TRPM3: variants seen among roughly 807,000 people sequenced by gnomAD.
TRPM3 encodes the protein long transient receptor potential channel 3.
Under a neutral mutation model 181.2 loss-of-function variants are expected in TRPM3, and 77 were observed. That is an observed-to-expected ratio of 0.42 (90% CI 0.35 to 0.51). The LOEUF is 0.51. Among genes scored for constraint, TRPM3 ranks in the 20% least tolerant of loss-of-function variants. The pLI is 0.01. For missense variants in TRPM3, 1,759 were observed against 2,196.7 expected (o/e 0.80, Z 3.98); for synonymous variants, 745 against 796.4 (o/e 0.94, Z 1.09).
intron 1 of TRPM3, among the ~76,000 whole-genome samples, chr9:70,893,892 A>T (rs1182663251): frequency 6.6e-6 from 1 of 152,182 alleles, no homozygotes; most frequent in Non-Finnish European, 1.5e-5. Flanking sequence ...CCTCTCAGTT[A>T]TTTTAAAAGA....
intron 1 of TRPM3, among the ~76,000 whole-genome samples, chr9:71,356,003 C>T (rs181997237): frequency 1.3e-5 from 2 of 152,220 alleles, no homozygotes; most frequent in Admixed American, 6.5e-5. Flanking sequence ...TGCAAGCTAG[C>T]GAGTGGTTGA....
chr9:70,681,726 T>A, intron 8 of TRPM3, 148 bp from the exon 9 acceptor site: 1 of 687,986 alleles, frequency 1.5e-6, no homozygotes, highest in Admixed American at 2.6e-5. Context: ...AAGAATCCGA[T>A]GAGAGAGCTC....
At chr9:70,547,471 T>C (rs1304442247) in intron 25 of TRPM3, among the ~76,000 whole-genome samples, 2 of 151,094 alleles carry the variant, frequency 1.3e-5, no homozygotes, top group African/African-American at 2.4e-5. Context: ...CATCCCATGG[T>C]GTTTCTGTTT....
At chr9:70,571,449 C>T (rs143555085) in intron 22 of TRPM3, among the ~76,000 whole-genome samples, 30 of 152,248 alleles carry the variant, frequency 2.0e-4, no homozygotes, top group Non-Finnish European at 3.4e-4. Flanking sequence ...GCTCAGAGTC[C>T]AGGTTTCTGA....
intron 1 of TRPM3, among the ~76,000 whole-genome samples, chr9:71,357,113 AC>A (rs1194723239): frequency 6.6e-6 from 1 of 152,120 alleles, no homozygotes; most frequent in Non-Finnish European, 1.5e-5. Flanking sequence ...AATCAGAGTC[AC>A]CCCCAAAACT....
At chr9:71,120,500 AG>A (rs1274865923) in intron 1 of TRPM3, among the ~76,000 whole-genome samples, 1 of 152,190 alleles carries the variant, frequency 6.6e-6, no homozygotes, top group Non-Finnish European at 1.5e-5. Context: ...ATTCCTGCTC[AG>A]GTGTAGTGCC....
intron 1 of TRPM3, among the ~76,000 whole-genome samples, chr9:71,201,340 C>T (rs1327570479): frequency 6.6e-6 from 1 of 152,020 alleles, no homozygotes; most frequent in Non-Finnish European, 1.5e-5. Flanking sequence ...GTGAATCTGA[C>T]AATTATGTGT....
intron 1 of TRPM3, among the ~76,000 whole-genome samples, chr9:71,164,519 T>C (rs1390872700): frequency 2.6e-5 from 4 of 151,726 alleles, no homozygotes; most frequent in African/African-American, 7.3e-5. Context: ...GAAAAAATGG[T>C]TGTGTAGAGA....
chr9:71,110,183 C>T (rs1394923430), intron 1 of TRPM3, among the ~76,000 whole-genome samples: 1 of 152,082 alleles, frequency 6.6e-6, no homozygotes, highest in African/African-American at 2.4e-5. Context: ...ATCCAAATGG[C>T]TTTTCCGTCA....
At chr9:71,003,876 G>A (rs1253968477) in intron 1 of TRPM3, among the ~76,000 whole-genome samples, 3 of 152,128 alleles carry the variant, frequency 2.0e-5, no homozygotes. Flanking sequence ...GACAGAAGCT[G>A]AAGCCAGTTA....
chr9:71,427,964 T>C (rs545036257), intron 1 of TRPM3, among the ~76,000 whole-genome samples: 28 of 152,210 alleles, frequency 1.8e-4, no homozygotes, highest in Non-Finnish European at 3.5e-4. Flanking sequence ...TTGTCATAAT[T>C]TGGGTTATCA....
intron 1 of TRPM3, among the ~76,000 whole-genome samples, chr9:71,213,292 T>C (rs1407657094): frequency 1.3e-5 from 2 of 152,172 alleles, no homozygotes; most frequent in Admixed American, 6.6e-5. Flanking sequence ...TCCTTTTGAT[T>C]TTTTTTCAAT....
intron 9 of TRPM3, among the ~76,000 whole-genome samples, chr9:70,646,603 G>C (rs1422316104): frequency 6.6e-6 from 1 of 152,040 alleles, no homozygotes; most frequent in Non-Finnish European, 1.5e-5. Context: ...AGCATTAGGA[G>C]AAATATCTAA....
At chr9:70,799,214 C>G (rs1401628155) in intron 6 of TRPM3, among the ~76,000 whole-genome samples, 1 of 152,172 alleles carries the variant, frequency 6.6e-6, no homozygotes, top group Non-Finnish European at 1.5e-5. Context: ...TCTGTTCCCA[C>G]TGAGGTGATT....
chr9:70,967,602 G>T (rs192623094), intron 1 of TRPM3, among the ~76,000 whole-genome samples: 1 of 152,130 alleles, frequency 6.6e-6, no homozygotes, highest in African/African-American at 2.4e-5. Context: ...CTCAAAGTGT[G>T]TCCCATGGAA....
At chr9:71,432,788 A>G (rs1471998464) in intron 1 of TRPM3, among the ~76,000 whole-genome samples, 3 of 152,148 alleles carry the variant, frequency 2.0e-5, no homozygotes, top group Admixed American at 6.6e-5. Flanking sequence ...TGAAACTGGT[A>G]CCCACTCTGG....
intron 1 of TRPM3, among the ~76,000 whole-genome samples, chr9:70,926,060 C>T (rs1448077662): frequency 1.3e-5 from 2 of 150,326 alleles, no homozygotes; most frequent in Non-Finnish European, 3.0e-5. Flanking sequence ...AAGTCTCAAA[C>T]AACTATCACT....
At chr9:71,108,978 C>T (rs1045337125) in intron 1 of TRPM3, among the ~76,000 whole-genome samples, 3 of 152,188 alleles carry the variant, frequency 2.0e-5, no homozygotes, top group Admixed American at 6.5e-5. Context: ...GCAGATTACT[C>T]TCCATTATGT....
chr9:70,590,190 A>T (rs2057878327), intron 22 of TRPM3, among the ~76,000 whole-genome samples: 1 of 152,178 alleles, frequency 6.6e-6, no homozygotes, highest in East Asian at 1.9e-4. Flanking sequence ...TTCTTTAATG[A>T]TGCTTTCTTC....
Sources: gnomAD v4.1 joint callset for allele counts (sites outside exome capture counted in the v4.1 genomes callset) on GRCh38, gnomAD v4.1.1 for gene constraint, MANE v1.5 for transcripts, NCBI Gene and HGNC (gene_info 2026-07-23, HGNC 2026-07-21) for gene names.